NTRK3: variants seen among roughly 807,000 people sequenced by gnomAD.
The protein encoded by NTRK3 is neurotrophic receptor tyrosine kinase 3.
In NTRK3, 24 loss-of-function variants were observed where a neutral mutation model predicts 91.7. That is an observed-to-expected ratio of 0.26 (90% CI 0.19 to 0.37). The LOEUF (loss-of-function observed/expected upper bound fraction) is 0.37. Ranked by LOEUF, NTRK3 falls within the 10% of genes least tolerant of loss-of-function variation. NTRK3 has a pLI of 1.00. For synonymous variants in NTRK3, 483 were observed against 404.0 expected (o/e 1.20, Z -2.34); for missense variants, 880 against 1,068.9 (o/e 0.82, Z 2.46).
rs139782704 is a variant in NTRK3, at chr15:88,145,139, C to T, written c.464+2196G>A. Among the ~76,000 whole-genome samples, 57 of 152,274 alleles carry T rather than the reference C, an allele frequency of 3.7e-4. 1 individual carries two copies. The East Asian group carries it at 8.7e-3, about 23-fold the overall frequency. ...AGTCTAGATGGCTCATGGCAGATGG[C>T]GCCATGTGGACTAATAAGGAAGTCA... On this transcript the variant is annotated intron_variant, in intron 6 of 18. Coordinates refer to ENST00000394480, the Ensembl canonical transcript of NTRK3.
At chr15:88,152,748 C>T (rs1293974969) in intron 5 of NTRK3, among the ~76,000 whole-genome samples, 2 of 152,240 alleles carry the variant, frequency 1.3e-5, no homozygotes, top group Non-Finnish European at 2.9e-5. Context: ...GCCTCCAAGT[C>T]ATGGTTTTCT....
At chr15:88,229,011 C>T (rs1354319009) in intron 3 of NTRK3, among the ~76,000 whole-genome samples, 1 of 152,144 alleles carries the variant, frequency 6.6e-6, no homozygotes, top group Non-Finnish European at 1.5e-5. Context: ...CTGCCCCTCA[C>T]CAGGACATAT....
At chr15:87,971,973 T>C (rs2073292510) in intron 14 of NTRK3, among the ~76,000 whole-genome samples, 1 of 152,152 alleles carries the variant, frequency 6.6e-6, no homozygotes, top group Non-Finnish European at 1.5e-5. Flanking sequence ...AGACTGAAGG[T>C]AGTGTGAGCT....
intron 14 of NTRK3, among the ~76,000 whole-genome samples, chr15:87,941,972 T>C (rs181415263): frequency 8.5e-5 from 13 of 152,352 alleles, no homozygotes; most frequent in Admixed American, 7.8e-4. Flanking sequence ...CCAAGCGACT[T>C]TGTCGAGAAA....
chr15:88,189,766 T>C (rs1381476961), intron 3 of NTRK3, among the ~76,000 whole-genome samples: 2 of 152,142 alleles, frequency 1.3e-5, no homozygotes, highest in Non-Finnish European at 2.9e-5. Context: ...TGTACCCCAG[T>C]TTTCTCTTCT....
intron 5 of NTRK3, among the ~76,000 whole-genome samples, chr15:88,175,468 A>G (rs911002174): frequency 1.3e-5 from 2 of 152,256 alleles, no homozygotes; most frequent in African/African-American, 4.8e-5. Flanking sequence ...TTTTTCATAT[A>G]TTCACAGAGT....
chr15:88,010,008 G>A (rs1269781346), intron 14 of NTRK3, among the ~76,000 whole-genome samples: 2 of 152,326 alleles, frequency 1.3e-5, no homozygotes, highest in East Asian at 1.9e-4. Context: ...CAAATGATTA[G>A]ATGTCGAGCT....
At chr15:88,199,485 T>C (rs1035586256) in intron 3 of NTRK3, among the ~76,000 whole-genome samples, 4 of 152,196 alleles carry the variant, frequency 2.6e-5, no homozygotes, top group African/African-American at 9.7e-5. Flanking sequence ...CCCAGAGCTG[T>C]CAGCTTCACC....
chr15:88,086,745 T>C (rs772779289), intron 13 of NTRK3, among the ~76,000 whole-genome samples: 4 of 152,192 alleles, frequency 2.6e-5, no homozygotes, highest in Non-Finnish European at 5.9e-5. Context: ...GTGGTTTCAA[T>C]GGGCAGACAA....
intron 3 of NTRK3, among the ~76,000 whole-genome samples, chr15:88,242,701 C>G (rs2052468194): frequency 6.6e-6 from 1 of 152,176 alleles, no homozygotes; most frequent in African/African-American, 2.4e-5. Flanking sequence ...CTCTTTGGGT[C>G]CCACAGAAGG....
exon 19 of NTRK3, chr15:87,863,658 G>A (rs2141377837): frequency 4.5e-6 from 1 of 223,932 alleles, no homozygotes; most frequent in East Asian, 6.4e-5. Flanking sequence ...TGTTATTCAT[G>A]AACCTTAAAA....
At chr15:87,974,694 T>C (rs2073564020) in intron 14 of NTRK3, among the ~76,000 whole-genome samples, 1 of 152,134 alleles carries the variant, frequency 6.6e-6, no homozygotes. Flanking sequence ...TAATCTCAGA[T>C]CTAAGCCCAA....
intron 14 of NTRK3, among the ~76,000 whole-genome samples, chr15:88,002,690 C>CAA (rs561471888): frequency 5.0e-4 from 43 of 85,642 alleles, no homozygotes; most frequent in African/African-American, 9.7e-4. Context: ...AGAAGCTATG[C>CAA]AAAAAAAAAA....
At chr15:88,168,642 T>C (rs1320806098) in intron 5 of NTRK3, among the ~76,000 whole-genome samples, 1 of 152,198 alleles carries the variant, frequency 6.6e-6, no homozygotes, top group East Asian at 1.9e-4. Flanking sequence ...CCCCACTGCC[T>C]CCTGCAGGGA....
chr15:88,212,621 C>T lies in NTRK3; in HGVS notation c.249-28322G>A, dbSNP rs534376962. On this transcript the variant is annotated intron_variant, in intron 3 of 18. Coordinates refer to ENST00000394480, the Ensembl canonical transcript of NTRK3. ...TAACTGAGACTTGCACTTGGCTGACCTCTGACCCTCCCTTCTCCCAGCTCC... is the reference window on the plus strand; with the variant it reads ...TAACTGAGACTTGCACTTGGCTGACTTCTGACCCTCCCTTCTCCCAGCTCC... Among the ~76,000 whole-genome samples the T allele has an allele frequency of 4.6e-5, 7 of 152,192 alleles. No individual in the cohort carries two copies. In the East Asian group the frequency reaches 9.7e-4, roughly 21 times the overall value.
At chr15:87,899,551 T>C (rs1223800950) in intron 17 of NTRK3, among the ~76,000 whole-genome samples, 1 of 152,176 alleles carries the variant, frequency 6.6e-6, no homozygotes, top group East Asian at 1.9e-4. Context: ...TTAACCATTC[T>C]AGCTGGAGGG....
chr15:88,225,824 G>C (rs2050623911), intron 3 of NTRK3, among the ~76,000 whole-genome samples: 1 of 152,152 alleles, frequency 6.6e-6, no homozygotes, highest in Non-Finnish European at 1.5e-5. Flanking sequence ...GGAGGAGATT[G>C]AAGGAAGGGC....
chr15:88,239,360 C>T (rs1239465759), intron 3 of NTRK3, among the ~76,000 whole-genome samples: 7 of 151,460 alleles, frequency 4.6e-5, no homozygotes, highest in Non-Finnish European at 1.0e-4. Context: ...ACATGAACAG[C>T]TCTGAGTGCC....
At chr15:88,135,851 C>A in intron 9 of NTRK3, 48 bp downstream of exon 9, 1 of 1,609,390 alleles carries the variant, frequency 6.2e-7, no homozygotes, top group Non-Finnish European at 8.5e-7. Context: ...GCCTCCTATG[C>A]CAGTTGCCCC....
Sources: allele counts gnomAD v4.1 joint callset (sites outside exome capture counted in the v4.1 genomes callset), GRCh38; gene constraint gnomAD v4.1.1; transcripts MANE v1.5; gene names NCBI Gene and HGNC (gene_info 2026-07-23, HGNC 2026-07-21).